KLHL28: variants seen among roughly 807,000 people sequenced by gnomAD.
KLHL28 encodes kelch like family member 28, also known as kelch-like protein 28.
In KLHL28, 22 loss-of-function variants were observed where a neutral mutation model predicts 48.3. The observed-to-expected ratio is 0.46, with a 90% CI of 0.33 to 0.65. KLHL28 has a LOEUF of 0.65. Among genes scored for constraint, KLHL28 ranks in the 30% least tolerant of loss-of-function variants. The pLI is 0.03. For synonymous variants in KLHL28, 243 were observed against 242.4 expected (o/e 1.00, Z -0.02); for missense variants, 527 against 704.3 (o/e 0.75, Z 2.85).
intron 1 of KLHL28, among the ~76,000 whole-genome samples, chr14:44,947,208 C>T (rs1460827968): frequency 1.3e-5 from 2 of 152,160 alleles, no homozygotes; most frequent in Non-Finnish European, 2.9e-5. Flanking sequence ...AAGAGGAGGT[C>T]ATGTGACTAA....
At chr14:44,956,444 G>A (rs979084465) in intron 1 of KLHL28, among the ~76,000 whole-genome samples, 8 of 152,112 alleles carry the variant, frequency 5.3e-5, no homozygotes, top group African/African-American at 1.2e-4. Context: ...GTATTCTCAC[G>A]TCCCAACCCC....
intron 1 of KLHL28, among the ~76,000 whole-genome samples, chr14:44,956,586 C>T (rs1432327672): frequency 6.6e-6 from 1 of 152,012 alleles, no homozygotes. Flanking sequence ...AAAAACATAC[C>T]GACTGTGAAA....
At chr14:44,960,830 T>C (rs1885034953) in intron 1 of KLHL28, 2 of 895,852 alleles carry the variant, frequency 2.2e-6, no homozygotes, top group South Asian at 3.7e-5. Flanking sequence ...TAAAGCTGTT[T>C]GGCATATGTG....
intron 1 of KLHL28, chr14:44,960,891 T>G: frequency 6.5e-7 from 1 of 1,534,316 alleles, no homozygotes; most frequent in Non-Finnish European, 8.8e-7. Context: ...TCCCACCTGG[T>G]ACAGAGCAGG....
intron 1 of KLHL28, among the ~76,000 whole-genome samples, chr14:44,952,098 C>T (rs1034794668): frequency 1.3e-5 from 2 of 152,080 alleles, no homozygotes; most frequent in Non-Finnish European, 2.9e-5. Context: ...TGGACTCAAA[C>T]GATCACCCAC....
In KLHL28 at chr14:44,945,302, A is replaced by G. The variant is rs1884278410; in HGVS notation, c.627T>C (p.Asp209=). ...CTAAGTATTTCTGGCGTTCTTGTAC[A>G]TCATACTTGATCCAAGACTCTAATG... ...FYALESWIKY[D]VQERQKYLAQ... Residue 209 remains aspartate, a synonymous_variant, in exon 2 of 5, where the codon GAT becomes GAC. Coordinates refer to ENST00000396128, the MANE Select transcript of KLHL28 (RefSeq NM_017658.5). 1.2e-6 allele frequency: 2 copies of G among 1,614,186 alleles called. No homozygotes were observed. The highest frequency in any genetic ancestry group is 1.1e-5 in the South Asian group (1 of 91,086).
In KLHL28 at chr14:44,926,660, C is replaced by A. The variant is rs1246374391; in HGVS notation, c.*2368G>T. The stretch of plus-strand genomic sequence containing the variant: ...TAGCTGGGATTACAGGTACCTGCCA[C>A]AATGCCCAGCTAATTTTTTGTATTT... On this transcript the variant is annotated 3_prime_UTR_variant, in exon 5 of 5. Coordinates refer to ENST00000396128, the MANE Select transcript of KLHL28 (RefSeq NM_017658.5). 1 of 152,194 alleles carries A rather than the reference C, an allele frequency of 6.6e-6. No homozygotes were observed. The highest frequency in any genetic ancestry group is 6.5e-5 in the Admixed American group (1 of 15,268). 9.4% of individuals were successfully genotyped at this position (152,194 alleles called of 1,614,324 possible).
rs961821067 is a variant in KLHL28 at position 44,924,455 on chromosome 14, A to G, written c.*4573T>C. The stretch of plus-strand genomic sequence containing the variant: ...AAGAATACAATTCTTAACTAGTTAA[A>G]TGACACTTTAGTGTGTAAACATAAA... On this transcript the variant is annotated 3_prime_UTR_variant, in exon 5 of 5. Coordinates refer to ENST00000396128, the MANE Select transcript of KLHL28 (RefSeq NM_017658.5). The G allele has an allele frequency of 2.6e-5, 4 of 152,806 alleles. No individual in the cohort carries two copies. The South Asian group carries it at 8.3e-4, about 32-fold the overall frequency. 9.5% of individuals were successfully genotyped at this position (152,806 alleles called of 1,614,324 possible). A position where few individuals can be genotyped will look rare whatever the true frequency, so the allele number is the denominator to read the frequency against.
intron 2 of KLHL28, among the ~76,000 whole-genome samples, chr14:44,937,219 C>T (rs868038020): frequency 1.3e-4 from 19 of 150,940 alleles, no homozygotes; most frequent in African/African-American, 4.4e-4. Flanking sequence ...AATCTCGGCT[C>T]ACCACAACCT....
intron 2 of KLHL28, among the ~76,000 whole-genome samples, chr14:44,938,479 C>G (rs1057275400): frequency 4.6e-5 from 7 of 152,010 alleles, no homozygotes; most frequent in Admixed American, 1.3e-4. Context: ...TCACACCATT[C>G]TCCTGCCTCA....
intron 1 of KLHL28, among the ~76,000 whole-genome samples, chr14:44,949,774 G>A (rs979731504): frequency 2.6e-5 from 4 of 152,078 alleles, no homozygotes; most frequent in Non-Finnish European, 5.9e-5. Flanking sequence ...GAGAAAAGAC[G>A]CATCTGTAGA....
In KLHL28 at chr14:44,926,736, G is replaced by A. The variant is rs1432367233; in HGVS notation, c.*2292C>T. On this transcript the variant is annotated 3_prime_UTR_variant, in exon 5 of 5. Coordinates refer to ENST00000396128, the MANE Select transcript of KLHL28 (RefSeq NM_017658.5). ...TTGGCCAGGCTGGTCTCGAACTCCT[G>A]ACCTCAGGTGATATACCCGCCTTGG... 6.6e-6 allele frequency: 1 copy of A among 152,188 alleles called. No homozygotes were observed. The highest frequency in any genetic ancestry group is 1.9e-4 in the East Asian group (1 of 5,200). The allele number at this position is 152,188 out of a possible 1,614,324, so 9.4% of individuals were successfully genotyped here.
Position 44,931,370 on chromosome 14 carries a change from C to A in KLHL28, c.1515G>T (p.Gln505His), listed in dbSNP as rs142827733. 58 of 1,613,860 alleles carry A rather than the reference C, an allele frequency of 3.6e-5. No homozygotes were observed. In the East Asian group the frequency reaches 5.1e-4, roughly 14 times the overall value. ...SIERYDPHQN[Q>H]WTVCRPMKEP... ...CTTTCATTGGTCTACACACAGTCCACTGATTTTGATGAGGATCGTATCTTT... is the reference window on the plus strand; with the variant it reads ...CTTTCATTGGTCTACACACAGTCCAATGATTTTGATGAGGATCGTATCTTT... The change falls in exon 4 of 5, where the codon CAG (glutamine) becomes CAT (histidine). Residue 505 changes from glutamine to histidine, a missense_variant. Transcript: ENST00000396128.
At chr14:44,937,077 T>G (rs1481159986) in intron 2 of KLHL28, among the ~76,000 whole-genome samples, 1 of 152,200 alleles carries the variant, frequency 6.6e-6, no homozygotes, top group African/African-American at 2.4e-5. Context: ...ACTGAGCCCT[T>G]AACCTGTAGG....
chr14:44,934,089 T>A, intron 3 of KLHL28, 26 bp downstream of exon 3: 2 of 1,516,188 alleles, frequency 1.3e-6, no homozygotes, highest in Non-Finnish European at 1.8e-6. Context: ...CATAAACATA[T>A]GCAATTTAAT....
intron 2 of KLHL28, among the ~76,000 whole-genome samples, chr14:44,939,151 C>A (rs1474679859): frequency 6.6e-6 from 1 of 152,194 alleles, no homozygotes; most frequent in Non-Finnish European, 1.5e-5. Flanking sequence ...TGAGCCACAG[C>A]TGGGGAAGCT....
At chr14:44,938,854 C>T (rs111544520) in intron 2 of KLHL28, among the ~76,000 whole-genome samples, 2 of 152,280 alleles carry the variant, frequency 1.3e-5, no homozygotes, top group African/African-American at 2.4e-5. Context: ...GACAGGCTGA[C>T]GTTGCACACT....
chr14:44,957,311 G>T (rs1043725471), intron 1 of KLHL28, among the ~76,000 whole-genome samples: 2 of 149,194 alleles, frequency 1.3e-5, no homozygotes, highest in African/African-American at 2.5e-5. Flanking sequence ...CACAGTAAGA[G>T]ACTTTTTTCT....
intron 4 of KLHL28, among the ~76,000 whole-genome samples, chr14:44,931,032 T>G (rs1883563505): frequency 6.6e-6 from 1 of 152,174 alleles, no homozygotes; most frequent in South Asian, 2.1e-4. Flanking sequence ...AAAGATGACA[T>G]TTGTTACATG....
Sources: allele counts gnomAD v4.1 joint callset (sites outside exome capture counted in the v4.1 genomes callset), GRCh38; gene constraint gnomAD v4.1.1; transcripts MANE v1.5; gene names NCBI Gene and HGNC (gene_info 2026-07-23, HGNC 2026-07-21).